Variants in SYT5 observed in about 807,000 individuals in gnomAD.
The protein encoded by SYT5 is synaptotagmin-5.
SYT5 carries 29 observed loss-of-function variants against 36.0 expected under a neutral mutation model. The observed-to-expected ratio is 0.81, with a 90% CI of 0.60 to 1.10. The LOEUF (loss-of-function observed/expected upper bound fraction) is 1.10. SYT5 is among the 50% of genes least tolerant of loss of function. SYT5 has a pLI of 0.00. For missense variants in SYT5, 512 were observed against 516.0 expected (o/e 0.99, Z 0.08); for synonymous variants, 231 against 227.6 (o/e 1.02, Z -0.14).
At position 55,173,453 on chromosome 19, in the gene SYT5, T is replaced by C. The variant is rs2086026781; in HGVS notation, c.*31A>G. 3.7e-6 allele frequency: 5 copies of C among 1,338,832 alleles called. No individual in the cohort carries two copies. The highest frequency in any genetic ancestry group is 3.1e-5 in the East Asian group (1 of 32,098). 82.9% of individuals were successfully genotyped at this position (1,338,832 alleles called of 1,614,324 possible). A position where few individuals can be genotyped will look rare whatever the true frequency, so the allele number is the denominator to read the frequency against. On this transcript the variant is annotated 3_prime_UTR_variant, in exon 9 of 9. Transcript: ENST00000354308. This position sits in a 1 kb window ranked among gnomAD's most constrained non-coding sequence, Gnocchi z 5.4. ...GGGAGTCTGGGGTCAGGGGCTAGAGTCCAGGCTTGGCCGGGGGCTTGGGGT... is the reference window on the plus strand; with the variant it reads ...GGGAGTCTGGGGTCAGGGGCTAGAGCCCAGGCTTGGCCGGGGGCTTGGGGT...
rs201728547 is a variant in SYT5 at position 55,175,835 on chromosome 19, C to T, written c.414G>A (p.Leu138=). The part of the protein sequence containing the change: ...GILQAMGLAA[L]DLGGSSDPYV... ...AGGGGTCCGAGGAGCCACCAAGATC[C>T]AAGGCTGCCAATCCCATTGCTTGCA... The change falls in exon 5 of 9, where the codon TTG becomes TTA. Residue 138 remains leucine (L), a synonymous_variant. Coordinates refer to ENST00000354308, the MANE Select transcript of SYT5 (RefSeq NM_003180.3). The surrounding 1 kb of genome is among the most constrained non-coding windows in gnomAD (Gnocchi z 4.5). The T allele has an allele frequency of 1.5e-5, 24 of 1,614,202 alleles. No homozygotes were observed. The Admixed American group carries it at 2.8e-4, about 19-fold the overall frequency.
At position 55,173,237 on chromosome 19, in the gene SYT5, C is replaced by T. The variant is rs921972459; in HGVS notation, c.*247G>A. ...GGGGCAGGAGAAACCAGGCTGCCTT[C>T]CCTTCCCGGGGTCCCTGGGGCATCT... On this transcript the variant is annotated 3_prime_UTR_variant, in exon 9 of 9. Coordinates refer to ENST00000354308, the MANE Select transcript of SYT5 (RefSeq NM_003180.3). This position sits in a 1 kb window ranked among gnomAD's most constrained non-coding sequence, Gnocchi z 5.4. 10 of 401,848 alleles carry T rather than the reference C, an allele frequency of 2.5e-5. No individual in the cohort carries two copies. Among genetic ancestry groups the T allele is most frequent in the Non-Finnish European group, 3.9e-5 (9 of 229,524 alleles). The allele number at this position is 401,848 out of a possible 1,614,324, so 24.9% of individuals were successfully genotyped here. A position where few individuals can be genotyped will look rare whatever the true frequency, so the allele number is the denominator to read the frequency against.
In SYT5 at chr19:55,175,674, G is replaced by A. The variant is rs766371496; in HGVS notation, c.540+35C>T. 6 of 1,609,288 alleles carry A rather than the reference G, an allele frequency of 3.7e-6. No homozygotes were observed. Among genetic ancestry groups the A allele is most frequent in the Non-Finnish European group, 5.1e-6 (6 of 1,178,020 alleles). On this transcript the variant is annotated intron_variant, in intron 5 of 8. Coordinates refer to ENST00000354308, the MANE Select transcript of SYT5 (RefSeq NM_003180.3). This position sits in a 1 kb window ranked among gnomAD's most constrained non-coding sequence, Gnocchi z 4.5. ...CTAGTGTTCCAGGGACTGGGCACAG[G>A]CTATGGAACACGGGGCCTGAAGGCA...
At position 55,173,913 on chromosome 19, in the gene SYT5, C is replaced by T. The variant is rs1392622964; in HGVS notation, c.961-229G>A. The T allele has an allele frequency of 2.3e-6, 1 of 429,082 alleles. No homozygotes were observed. Among genetic ancestry groups the T allele is most frequent in the Non-Finnish European group, 4.0e-6 (1 of 250,612 alleles). 26.6% of individuals were successfully genotyped at this position (429,082 alleles called of 1,614,324 possible). A position where few individuals can be genotyped will look rare whatever the true frequency, so the allele number is the denominator to read the frequency against. On this transcript the variant is annotated intron_variant, in intron 8 of 8. Transcript: ENST00000354308. This position sits in a 1 kb window ranked among gnomAD's most constrained non-coding sequence, Gnocchi z 5.4. ...GCAGCCAGGTTTCTAAGGAAATGAA[C>T]CCTCAGGACTCGGTTGCGGAGCGGG...
rs751596272 is a variant in SYT5, at chr19:55,174,534, G to T, written c.943C>A (p.Pro315Thr). ...YYNEAFSFEV[P>T]CDQVQKVQVE... ...GAGCTCACCTGGACTTGGTCACAGG[G>T]CACCTCGAAGCTGAAAGCTTCGTTG... The change falls in exon 8 of 9, where the codon CCC becomes ACC. Residue 315 changes from proline to threonine, a missense_variant. Pro to Thr is a conservative substitution (Grantham distance 38, BLOSUM62 -1). Coordinates refer to ENST00000354308, the MANE Select transcript of SYT5 (RefSeq NM_003180.3). 1 of 1,614,050 alleles carries T rather than the reference G, an allele frequency of 6.2e-7. No homozygotes were observed. Among genetic ancestry groups the T allele is most frequent in the Admixed American group, 1.7e-5 (1 of 60,018 alleles).
chr19:55,173,577 G>A lies in SYT5; in HGVS notation c.1068C>T (p.His356=). The A allele has an allele frequency of 6.8e-7, 1 of 1,474,496 alleles. No homozygotes were observed. The highest frequency in any genetic ancestry group is 9.0e-7 in the Non-Finnish European group (1 of 1,113,896). 91.3% of individuals were successfully genotyped at this position (1,474,496 alleles called of 1,614,324 possible). A position where few individuals can be genotyped will look rare whatever the true frequency, so the allele number is the denominator to read the frequency against. The part of the protein sequence containing the change: ...GAAAGGAGLR[H]WADMLANPRR... The stretch of plus-strand genomic sequence containing the variant: ...GCGGGTTGGCCAGCATGTCCGCCCA[G>A]TGCCGCAGGCCAGCCCCGCCGGCGG... Residue 356 remains histidine, a synonymous_variant, in exon 9 of 9, where the codon CAC becomes CAT. Transcript: ENST00000354308. The surrounding 1 kb of genome is among the most constrained non-coding windows in gnomAD (Gnocchi z 5.4).
chr19:55,179,163 G>A lies in SYT5; in HGVS notation c.-45-77C>T, dbSNP rs1234643248. 6.5e-7 allele frequency: 1 copy of A among 1,535,900 alleles called. No individual in the cohort carries two copies. The highest frequency in any genetic ancestry group is 8.7e-7 in the Non-Finnish European group (1 of 1,146,134). On this transcript the variant is annotated intron_variant, in intron 1 of 8. Transcript: ENST00000354308. This position sits in a 1 kb window ranked among gnomAD's most constrained non-coding sequence, Gnocchi z 4.5. ...GAACTCCAACTCCCATGAGGCCTTT[G>A]CGCGAACAGCCGCGCAGAAACCGGA...
At chr19:55,174,706 C>G (rs758415199) in intron 7 of SYT5, 56 bp from the exon 8 acceptor site, 24 of 1,611,918 alleles carry the variant, frequency 1.5e-5, no homozygotes, top group Non-Finnish European at 2.0e-5. Context: ...GTTGGACCAA[C>G]ATAGAAACAC....
At position 55,173,817 on chromosome 19, in the gene SYT5, G is replaced by A. The variant is rs1410827074; in HGVS notation, c.961-133C>T. 18 of 935,552 alleles carry A rather than the reference G, an allele frequency of 1.9e-5. No homozygotes were observed. Among genetic ancestry groups the A allele is most frequent in the Non-Finnish European group, 2.5e-5 (17 of 693,352 alleles). The allele number at this position is 935,552 out of a possible 1,614,324, so 58.0% of individuals were successfully genotyped here. ...GGCTCGGGGCCCCGGAGCTCGGGAC[G>A]GGGGAGGGGGTGGGAGACGAGAGGG... On this transcript the variant is annotated intron_variant, in intron 8 of 8. Coordinates refer to ENST00000354308, the MANE Select transcript of SYT5 (RefSeq NM_003180.3). This position sits in a 1 kb window ranked among gnomAD's most constrained non-coding sequence, Gnocchi z 5.4.
chr19:55,178,875 G>A, intron 2 of SYT5, 88 bp downstream of exon 2: 1 of 1,189,184 alleles, frequency 8.4e-7, no homozygotes, highest in Non-Finnish European at 1.0e-6. Context: ...CAGCCCGCCT[G>A]CCCGAGTACA....
At chr19:55,174,043 G>A in intron 8 of SYT5, 1 of 260,226 alleles carries the variant, frequency 3.8e-6, no homozygotes, top group Non-Finnish European at 7.2e-6. Flanking sequence ...GAAGTGAGGG[G>A]AGGTCTCTTT....
At position 55,178,194 on chromosome 19, in the gene SYT5, AC is replaced by A; in HGVS notation, c.252+1del. ...AGGTGGAGGGGCTGGGCTGGGCCAC[AC>A]CTTGTCTATGTAACTCTGGCCCAGC... On this transcript the variant is annotated splice_donor_variant, in intron 3 of 8. Coordinates refer to ENST00000354308, the MANE Select transcript of SYT5 (RefSeq NM_003180.3). LOFTEE classifies it high-confidence loss of function. The A allele has an allele frequency of 3.1e-6, 5 of 1,606,474 alleles. No individual in the cohort carries two copies. Among genetic ancestry groups the A allele is most frequent in the Non-Finnish European group, 4.2e-6 (5 of 1,176,756 alleles).
intron 8 of SYT5, 97 bp downstream of exon 8, chr19:55,174,420 A>G: frequency 6.7e-7 from 1 of 1,487,618 alleles, no homozygotes; most frequent in Non-Finnish European, 9.1e-7. Flanking sequence ...AGACCCCCTC[A>G]CCTGGTTTCT....
rs1188261011 is a variant in SYT5, at chr19:55,173,011, C to T, written c.*473G>A. On this transcript the variant is annotated 3_prime_UTR_variant, in exon 9 of 9. Coordinates refer to ENST00000354308, the MANE Select transcript of SYT5 (RefSeq NM_003180.3). The surrounding 1 kb of genome is among the most constrained non-coding windows in gnomAD (Gnocchi z 5.4). ...TTCAGGACGAACAGCACTCACACCG[C>T]CCTGCGAGCGCCCATTCCTGGAAAC... The T allele has an allele frequency of 1.3e-5, 2 of 156,116 alleles. No homozygotes were observed. The highest frequency in any genetic ancestry group is 1.9e-4 in the East Asian group (1 of 5,318). 9.7% of individuals were successfully genotyped at this position (156,116 alleles called of 1,614,324 possible). A position where few individuals can be genotyped will look rare whatever the true frequency, so the allele number is the denominator to read the frequency against.
Position 55,179,482 on chromosome 19 carries a change from G to A in SYT5, c.-45-396C>T, listed in dbSNP as rs1012075744. 54 of 331,794 alleles carry A rather than the reference G, an allele frequency of 1.6e-4. No homozygotes were observed. Among genetic ancestry groups the A allele is most frequent in the Non-Finnish European group, 2.7e-5 (5 of 182,530 alleles). The allele number at this position is 331,794 out of a possible 1,614,324, so 20.6% of individuals were successfully genotyped here. A position where few individuals can be genotyped will look rare whatever the true frequency, so the allele number is the denominator to read the frequency against. ...ACGGGTTGTTGCCAGGACAACGGGC[G>A]GGGCTGACGCACAGACGCGGAGTCC... On this transcript the variant is annotated intron_variant, in intron 1 of 8. Coordinates refer to ENST00000354308, the MANE Select transcript of SYT5 (RefSeq NM_003180.3). The surrounding 1 kb of genome is among the most constrained non-coding windows in gnomAD (Gnocchi z 4.5).
Position 55,171,655 on chromosome 19 carries a change from G to A in SYT5, c.*1829C>T, listed in dbSNP as rs1244192519. 2 of 152,166 alleles carry A rather than the reference G, an allele frequency of 1.3e-5. No homozygotes were observed. The highest frequency in any genetic ancestry group is 1.3e-4 in the Admixed American group (2 of 15,264). The allele number at this position is 152,166 out of a possible 1,614,324, so 9.4% of individuals were successfully genotyped here. A position where few individuals can be genotyped will look rare whatever the true frequency, so the allele number is the denominator to read the frequency against. On this transcript the variant is annotated 3_prime_UTR_variant, in exon 9 of 9. Transcript: ENST00000354308. ...TATCATCTTTGCTAGAAACAGAGTA[G>A]GAGGCAGCATTCGTTGAAAGAACAA...
rs2086012168 is a variant in SYT5, at chr19:55,172,243, AT to A, written c.*1240del. The A allele has an allele frequency of 6.6e-6, 1 of 151,938 alleles. No individual in the cohort carries two copies. Among genetic ancestry groups the A allele is most frequent in the Non-Finnish European group, 1.5e-5 (1 of 68,054 alleles). The allele number at this position is 151,938 out of a possible 1,614,324, so 9.4% of individuals were successfully genotyped here. A position where few individuals can be genotyped will look rare whatever the true frequency, so the allele number is the denominator to read the frequency against. On this transcript the variant is annotated 3_prime_UTR_variant, in exon 9 of 9. Coordinates refer to ENST00000354308, the MANE Select transcript of SYT5 (RefSeq NM_003180.3). ...AGATCATCCTGGCTAACACGGTGAA[AT>A]GCCGTCTCTACTAAAAATACAAAAA...
In SYT5 at chr19:55,175,561, G is replaced by T; in HGVS notation, c.540+148C>A. 6 of 1,183,568 alleles carry T rather than the reference G, an allele frequency of 5.1e-6. No individual in the cohort carries two copies. The highest frequency in any genetic ancestry group is 7.1e-6 in the Non-Finnish European group (6 of 841,068). The allele number at this position is 1,183,568 out of a possible 1,614,324, so 73.3% of individuals were successfully genotyped here. On this transcript the variant is annotated intron_variant, in intron 5 of 8. Coordinates refer to ENST00000354308, the MANE Select transcript of SYT5 (RefSeq NM_003180.3). The surrounding 1 kb of genome is among the most constrained non-coding windows in gnomAD (Gnocchi z 4.5). ...CCAGGCTACAGCCCAGGAGTCAGTAGTGCCCAGGGTCCAGTGGAATAGCCC... is the reference window on the plus strand; with the variant it reads ...CCAGGCTACAGCCCAGGAGTCAGTATTGCCCAGGGTCCAGTGGAATAGCCC...
At position 55,179,479 on chromosome 19, in the gene SYT5, G is replaced by C. The variant is rs896309551; in HGVS notation, c.-45-393C>G. 1.5e-5 allele frequency: 5 copies of C among 338,208 alleles called. No homozygotes were observed. Among genetic ancestry groups the C allele is most frequent in the Admixed American group, 4.9e-5 (1 of 20,490 alleles). 21.0% of individuals were successfully genotyped at this position (338,208 alleles called of 1,614,324 possible). A position where few individuals can be genotyped will look rare whatever the true frequency, so the allele number is the denominator to read the frequency against. Reference sequence around the variant, plus strand: ...GCAACGGGTTGTTGCCAGGACAACGGGCGGGGCTGACGCACAGACGCGGAG... The same window carrying C: ...GCAACGGGTTGTTGCCAGGACAACGCGCGGGGCTGACGCACAGACGCGGAG... On this transcript the variant is annotated intron_variant, in intron 1 of 8. Transcript: ENST00000354308. The surrounding 1 kb of genome is among the most constrained non-coding windows in gnomAD (Gnocchi z 4.5).
Sources: allele counts gnomAD v4.1 joint callset, GRCh38; gene constraint gnomAD v4.1.1; non-coding constraint Gnocchi (gnomAD v3.1); transcripts MANE v1.5; gene names NCBI Gene and HGNC (gene_info 2026-07-23, HGNC 2026-07-21).